The following C3orf22 variants were observed in gnomAD, a reference collection of about 807,000 sequenced individuals.
C3orf22 encodes the protein chromosome 3 open reading frame 22, also known as uncharacterized protein C3orf22.
A neutral mutation model predicts 10.8 loss-of-function variants in C3orf22; 7 were observed. The ratio of observed to expected loss-of-function variants is 0.65; its 90% CI spans 0.37 to 1.22. The LOEUF (loss-of-function observed/expected upper bound fraction) is 1.22. Among genes scored for constraint, C3orf22 ranks in the 50% most tolerant of loss-of-function variants. C3orf22 has a pLI of 0.02. For missense variants in C3orf22, 173 were observed against 177.0 expected, an observed-to-expected ratio of 0.98 and a Z score of 0.13; for synonymous variants, 79 against 78.9, an observed-to-expected ratio of 1.00 and a Z score of 0.00.
intron 3 of C3orf22, among the ~76,000 whole-genome samples, chr3:126,551,518 C>T (rs1244973889): frequency 2.6e-5 from 4 of 152,222 alleles, no homozygotes; most frequent in South Asian, 2.1e-4. Flanking sequence ...TCTTTGAGCG[C>T]CCCATGCATG....
At chr3:126,529,442 T>G in intron 4 of C3orf22, 89 of 1,256,608 alleles carry the variant, frequency 7.1e-5, no homozygotes, top group Non-Finnish European at 8.6e-5. Context: ...GCATGGGTGT[T>G]AAGGGTGCAG....
At chr3:126,555,071 G>A (rs1484601553) in intron 1 of C3orf22, among the ~76,000 whole-genome samples, 1 of 152,244 alleles carries the variant, frequency 6.6e-6, no homozygotes, top group Non-Finnish European at 1.5e-5. Context: ...CTCATGGCTA[G>A]TGCCTGCTGC....
intron 1 of C3orf22, among the ~76,000 whole-genome samples, chr3:126,554,259 GTT>G (rs1937271380): frequency 7.7e-6 from 1 of 129,264 alleles, no homozygotes; most frequent in African/African-American, 3.0e-5. Flanking sequence ...TTGTTTTTCT[GTT>G]GTTTTTTTTT....
downstream of C3orf22, among the ~76,000 whole-genome samples, chr3:126,549,305 G>A (rs1252181161): frequency 6.6e-6 from 1 of 150,858 alleles, no homozygotes; most frequent in Non-Finnish European, 1.5e-5. Context: ...ACACAAGATG[G>A]CAGCATATCA....
At chr3:126,538,471 C>T (rs1459751352) in intron 4 of C3orf22, among the ~76,000 whole-genome samples, 1 of 152,246 alleles carries the variant, frequency 6.6e-6, no homozygotes, top group East Asian at 1.9e-4. Context: ...CCCCCGAACC[C>T]CCGGACCCAG....
At chr3:126,539,794 CAG>C (rs1156365991) in intron 4 of C3orf22, among the ~76,000 whole-genome samples, 3 of 30,526 alleles carry the variant, frequency 9.8e-5, no homozygotes, top group African/African-American at 2.3e-4. Context: ...CCACACACCA[CAG>C]ACACCACACC....
At chr3:126,535,652 T>C (rs1451195677) in intron 4 of C3orf22, among the ~76,000 whole-genome samples, 1 of 152,030 alleles carries the variant, frequency 6.6e-6, no homozygotes, top group African/African-American at 2.4e-5. Flanking sequence ...AGCATCACTG[T>C]CCTCAGCTGG....
chr3:126,558,108 G>A (rs1282430858), intron 1 of C3orf22, among the ~76,000 whole-genome samples: 2 of 152,256 alleles, frequency 1.3e-5, no homozygotes, highest in African/African-American at 4.8e-5. Context: ...GCAGGAGGCT[G>A]CAGAATGGTG....
chr3:126,542,446 C>A (rs1203079272), intron 4 of C3orf22: 5 of 1,562,570 alleles, frequency 3.2e-6, no homozygotes, highest in Non-Finnish European at 2.6e-6. Flanking sequence ...GGGGAGCCGC[C>A]GCCTCCCGCG....
intron 4 of C3orf22, chr3:126,541,844 C>T: frequency 6.3e-7 from 1 of 1,580,012 alleles, no homozygotes; most frequent in African/African-American, 1.4e-5. Context: ...GGACCTGCGG[C>T]ACGTGCTGGT....
intron 4 of C3orf22, chr3:126,542,263 G>A: frequency 1.9e-6 from 3 of 1,553,322 alleles, no homozygotes; most frequent in Admixed American, 1.8e-5. Context: ...ACCCGCGCAC[G>A]CGGCGTGAGG....
At chr3:126,530,944 G>A (rs115628612) in intron 4 of C3orf22, among the ~76,000 whole-genome samples, 2,191 of 152,374 alleles carry the variant, frequency 0.014, 43 homozygotes, top group African/African-American at 0.048. Context: ...GCCTGAGGCA[G>A]GCAGGGGGCA....
At chr3:126,527,595 T>C (rs935741586) in exon 6 of C3orf22, 6 of 152,362 alleles carry the variant, frequency 3.9e-5, no homozygotes, top group African/African-American at 9.6e-5. Flanking sequence ...GAGGCTGTGA[T>C]TGGACAGGCC....
Position 126,536,948 on chromosome 3 carries a change from G to T in C3orf22, c.287-7576C>A, listed in dbSNP as rs112895272. Among the ~76,000 whole-genome samples the T allele has an allele frequency of 5.3e-5, 8 of 150,152 alleles. 1 individual carries two copies. Among genetic ancestry groups the T allele is most frequent in the African/African-American group, 2.0e-4 (8 of 40,574 alleles). ...ACCCCACACACACAAGTACTTATTC[G>T]GACAGCACATATTGAGCACCTACTG... On this transcript the variant is annotated intron_variant and NMD_transcript_variant, in intron 4 of 5. Coordinates refer to the C3orf22 transcript ENST00000505070.
intron 4 of C3orf22, chr3:126,541,957 G>T (rs779745607): frequency 8.2e-6 from 13 of 1,585,160 alleles, no homozygotes; most frequent in Non-Finnish European, 1.1e-5. Context: ...GCGGCGACCC[G>T]CGCGCCATCT....
intron 1 of C3orf22, among the ~76,000 whole-genome samples, chr3:126,556,401 G>C (rs1484279002): frequency 6.6e-6 from 1 of 152,002 alleles, no homozygotes; most frequent in Non-Finnish European, 1.5e-5. Flanking sequence ...CCATGGTGAG[G>C]ACACACCCCA....
At chr3:126,527,938 GC>G (rs1349752125) in intron 5 of C3orf22, 2 of 152,076 alleles carry the variant, frequency 1.3e-5, no homozygotes, top group African/African-American at 4.8e-5. Context: ...GAAGTATGGG[GC>G]CAGGATTTAA....
In C3orf22 at chr3:126,550,036, C is replaced by A; in HGVS notation, c.258G>T (p.Pro86=). 4 of 1,613,910 alleles carry A rather than the reference C, an allele frequency of 2.5e-6. No homozygotes were observed. Among genetic ancestry groups the A allele is most frequent in the Non-Finnish European group, 3.4e-6 (4 of 1,179,910 alleles). The change falls in exon 4 of 4, where the codon CCG becomes CCT. Residue 86 remains proline (P), a synonymous_variant. Coordinates refer to ENST00000318225, the MANE Select transcript of C3orf22 (RefSeq NM_152533.3). ...GTGGTGATGGTGCTGGTAGTGGTGC[C>A]GGGCAGGAGCCAGACGGTGATGTAA... ...PDFTSPSGSC[P]APLPAPSPPP... is the part of the protein sequence containing the mutation.
intron 4 of C3orf22, chr3:126,542,299 C>T: frequency 1.3e-6 from 2 of 1,565,924 alleles, no homozygotes; most frequent in Non-Finnish European, 1.7e-6. Context: ...ACTGGGAGCG[C>T]GCGCACGCGC....
Sources: gnomAD v4.1 joint callset for allele counts (sites outside exome capture counted in the v4.1 genomes callset) on GRCh38, gnomAD v4.1.1 for gene constraint, MANE v1.5 for transcripts, NCBI Gene and HGNC (gene_info 2026-07-23, HGNC 2026-07-21) for gene names.